KATNIP: variants seen among roughly 807,000 people sequenced by gnomAD.
KATNIP encodes katanin-interacting protein.
A neutral mutation model predicts 174.0 loss-of-function variants in KATNIP; 126 were observed. The ratio of observed to expected loss-of-function variants is 0.72; its 90% CI spans 0.63 to 0.84. The LOEUF is 0.84. Among genes scored for constraint, KATNIP ranks in the 40% least tolerant of loss-of-function variants. The pLI is 0.00. For missense variants in KATNIP, 1,958 were observed against 2,109.7 expected (o/e 0.93, Z 1.41); for synonymous variants, 810 against 835.7 (o/e 0.97, Z 0.53).
At position 27,687,635 on chromosome 16, in the gene KATNIP, TCTC is replaced by T. The variant is rs2078571464; in HGVS notation, c.940+6108_940+6110del. 8 of 152,170 alleles carry T rather than the reference TCTC, an allele frequency of 5.3e-5. No homozygotes were observed. In the South Asian group the frequency reaches 1.7e-3, roughly 32 times the overall value. 9.4% of individuals were successfully genotyped at this position (152,170 alleles called of 1,614,324 possible). On this transcript the variant is annotated intron_variant, in intron 8 of 27. Coordinates refer to ENST00000261588, the MANE Select transcript of KATNIP (RefSeq NM_015202.5). ...AAGCCTTCCAGAAAAGCTAATATAATCTCCTTCTAGAAACCTGTTGTCTTCTTG... is the reference window on the plus strand; with the variant it reads ...AAGCCTTCCAGAAAAGCTAATATAATCTTCTAGAAACCTGTTGTCTTCTTG...
At chr16:27,595,561 G>A (rs192433596) in intron 2 of KATNIP, among the ~76,000 whole-genome samples, 1 of 151,736 alleles carries the variant, frequency 6.6e-6, no homozygotes, top group African/African-American at 2.4e-5. Context: ...AGGAAACTTT[G>A]TGCACTCATT....
intron 2 of KATNIP, among the ~76,000 whole-genome samples, chr16:27,586,425 AG>A (rs1461659288): frequency 6.8e-6 from 1 of 146,890 alleles, no homozygotes; most frequent in Non-Finnish European, 1.5e-5. Context: ...CTGGCAACAT[AG>A]TGAGACCCTG....
intron 8 of KATNIP, chr16:27,685,456 T>C (rs2078488514): frequency 6.6e-6 from 1 of 152,016 alleles, no homozygotes; most frequent in Non-Finnish European, 1.5e-5. Flanking sequence ...AAAAATAAGA[T>C]GAAACCAGGG....
In KATNIP at chr16:27,694,835, C is replaced by T. The variant is rs544587473; in HGVS notation, c.941-3493C>T. Among the ~76,000 whole-genome samples, 100 of 151,286 alleles carry T rather than the reference C, an allele frequency of 6.6e-4. 1 individual carries two copies. Among genetic ancestry groups the T allele is most frequent in the African/African-American group, 2.3e-3 (97 of 41,378 alleles). On this transcript the variant is annotated intron_variant, in intron 8 of 27. Coordinates refer to ENST00000261588, the MANE Select transcript of KATNIP (RefSeq NM_015202.5). ...TAAATAAATAAATTTACATATCCAG[C>T]CTAGACTCTCTCAAACTCTGGATTC... is the stretch of plus-strand genomic sequence containing the variant.
chr16:27,717,582 A>G (rs1003822445), intron 13 of KATNIP, among the ~76,000 whole-genome samples: 3 of 151,810 alleles, frequency 2.0e-5, no homozygotes, highest in Non-Finnish European at 4.4e-5. Flanking sequence ...TCCCTTGCAC[A>G]TGCCCCGGGT....
chr16:27,573,858 C>G (rs760682241), intron 1 of KATNIP, 43 bp from the exon 2 acceptor site: 1 of 1,598,522 alleles, frequency 6.3e-7, no homozygotes, highest in Non-Finnish European at 8.6e-7. Flanking sequence ...ACTAGCTGTT[C>G]TAAAACAGCC....
intron 2 of KATNIP, among the ~76,000 whole-genome samples, chr16:27,611,392 T>C (rs2075884594): frequency 6.6e-6 from 1 of 152,118 alleles, no homozygotes; most frequent in Admixed American, 6.6e-5. Context: ...GGCAAGGAAA[T>C]AAAGCCTCAG....
At chr16:27,731,429 C>T (rs1295722211) in intron 14 of KATNIP, among the ~76,000 whole-genome samples, 1 of 152,152 alleles carries the variant, frequency 6.6e-6, no homozygotes, top group Non-Finnish European at 1.5e-5. Context: ...ATGTGGCAAG[C>T]GGTATTTAAA....
chr16:27,731,240 G>A (rs1462145891), intron 14 of KATNIP, among the ~76,000 whole-genome samples: 1 of 152,168 alleles, frequency 6.6e-6, no homozygotes, highest in Non-Finnish European at 1.5e-5. Flanking sequence ...AGTATGCATG[G>A]GGCTCCTCCT....
intron 14 of KATNIP, among the ~76,000 whole-genome samples, chr16:27,729,975 GGTTT>G (rs1331713081): frequency 3.3e-5 from 5 of 152,360 alleles, no homozygotes; most frequent in African/African-American, 1.2e-4. Context: ...CATCAGCAGA[GGTTT>G]GTCAGTTGCC....
intron 12 of KATNIP, among the ~76,000 whole-genome samples, chr16:27,704,539 T>C (rs2079223017): frequency 6.6e-6 from 1 of 152,076 alleles, no homozygotes; most frequent in Admixed American, 6.5e-5. Flanking sequence ...CCCACAGAAC[T>C]AAAAAGCTAG....
At chr16:27,585,976 C>T (rs544843453) in intron 2 of KATNIP, among the ~76,000 whole-genome samples, 3 of 152,218 alleles carry the variant, frequency 2.0e-5, no homozygotes, top group Non-Finnish European at 2.9e-5. Flanking sequence ...TGGCACACAC[C>T]TGTAGTCCCA....
chr16:27,571,124 C>T (rs533497370), intron 1 of KATNIP, among the ~76,000 whole-genome samples: 10 of 152,214 alleles, frequency 6.6e-5, no homozygotes, highest in Non-Finnish European at 1.0e-4. Context: ...CTTCTGCCTC[C>T]GAGGTTCAGG....
chr16:27,677,212 C>G (rs542149130), intron 6 of KATNIP, among the ~76,000 whole-genome samples: 70 of 152,280 alleles, frequency 4.6e-4, no homozygotes, highest in Admixed American at 9.2e-4. Flanking sequence ...CAGGTCAGCC[C>G]CTAACAACTA....
intron 13 of KATNIP, among the ~76,000 whole-genome samples, chr16:27,721,307 C>T (rs2080228715): frequency 6.6e-6 from 1 of 152,142 alleles, no homozygotes; most frequent in South Asian, 2.1e-4. Context: ...GTCTGGTTGG[C>T]AGATCAGAGG....
At chr16:27,607,393 C>T (rs1057103814) in intron 2 of KATNIP, among the ~76,000 whole-genome samples, 3 of 152,098 alleles carry the variant, frequency 2.0e-5, no homozygotes, top group Non-Finnish European at 2.9e-5. Flanking sequence ...AGGATTGCTG[C>T]GTGCGTTAAA....
At chr16:27,761,340 T>A (rs2081947462) in intron 18 of KATNIP, 73 bp from the exon 19 acceptor site, 1 of 1,443,118 alleles carries the variant, frequency 6.9e-7, no homozygotes, top group African/African-American at 1.4e-5. Context: ...ATAGCATTCC[T>A]CTTCCTGTCT....
At chr16:27,648,425 G>A (rs528932968) in intron 5 of KATNIP, among the ~76,000 whole-genome samples, 179 bp from the exon 6 acceptor site, 5 of 152,330 alleles carry the variant, frequency 3.3e-5, no homozygotes, top group Admixed American at 3.3e-4. Context: ...TGGCCCGGAT[G>A]AGGAGGAGGC....
intron 14 of KATNIP, among the ~76,000 whole-genome samples, chr16:27,731,301 C>CT (rs1230941102): frequency 6.6e-6 from 1 of 152,214 alleles, no homozygotes; most frequent in East Asian, 1.9e-4. Flanking sequence ...GCACTGGGCC[C>CT]TGCAGCGCAG....
Sources: allele counts gnomAD v4.1 joint callset (sites outside exome capture counted in the v4.1 genomes callset), GRCh38; gene constraint gnomAD v4.1.1; transcripts MANE v1.5; gene names NCBI Gene and HGNC (gene_info 2026-07-23, HGNC 2026-07-21).